Variants in THSD4 observed in about 807,000 individuals in gnomAD.
THSD4 encodes thrombospondin type 1 domain containing 4.
THSD4 carries 69 observed loss-of-function variants against 119.0 expected under a neutral mutation model. That is an observed-to-expected ratio of 0.58 (90% confidence interval 0.48 to 0.71). The LOEUF (loss-of-function observed/expected upper bound fraction) is 0.71, where lower values mean the gene tolerates loss of function less well. THSD4 is among the 30% of genes least tolerant of loss of function. The probability of loss-of-function intolerance (pLI) is 0.00; values close to 1 mark genes in which losing one functional copy is unlikely to be tolerated. For missense variants in THSD4, 1,393 were observed against 1,391.1 expected, an observed-to-expected ratio of 1.00 and a Z score of -0.02; for synonymous variants, 524 against 540.4, an observed-to-expected ratio of 0.97 and a Z score of 0.42.
chr15:71,634,198 A>AG (rs1334275307), intron 7 of THSD4, among the ~76,000 whole-genome samples: 4 of 147,368 alleles, frequency 2.7e-5, no homozygotes, highest in East Asian at 4.0e-4. Flanking sequence ...AAAAAAAAAA[A>AG]AAAAAGAAAA....
intron 8 of THSD4, among the ~76,000 whole-genome samples, chr15:71,727,546 AAAAAAAAATAT>A (rs1567121810): frequency 2.0e-4 from 20 of 100,788 alleles, no homozygotes; most frequent in African/African-American, 7.2e-4. Flanking sequence ...AAAAAAAAAA[AAAAAAAAATAT>A]ATATATATAT....
chr15:71,366,899 C>T (rs957678391), intron 6 of THSD4, among the ~76,000 whole-genome samples: 4 of 152,182 alleles, frequency 2.6e-5, no homozygotes, highest in Non-Finnish European at 4.4e-5. Context: ...AAGCGCCCTT[C>T]TCATACTGTG....
intron 1 of THSD4, among the ~76,000 whole-genome samples, chr15:71,104,080 A>G (rs1203282412): frequency 2.6e-5 from 4 of 152,268 alleles, no homozygotes; most frequent in African/African-American, 9.6e-5. Context: ...AGTTACATTT[A>G]GTGTGTCCTT....
At chr15:71,694,540 G>T (rs2052123068) in intron 8 of THSD4, among the ~76,000 whole-genome samples, 1 of 152,070 alleles carries the variant, frequency 6.6e-6, no homozygotes, top group Admixed American at 6.6e-5. Flanking sequence ...AATTTTTATT[G>T]AAATAATTGG....
intron 6 of THSD4, among the ~76,000 whole-genome samples, chr15:71,304,137 G>C (rs565262946): frequency 1.1e-4 from 16 of 152,300 alleles, no homozygotes; most frequent in Admixed American, 3.3e-4. Flanking sequence ...ACCAGGAGGT[G>C]AGCTTGCTCT....
intron 5 of THSD4, among the ~76,000 whole-genome samples, chr15:71,244,712 T>C (rs2044184383): frequency 6.6e-6 from 1 of 152,208 alleles, no homozygotes; most frequent in Non-Finnish European, 1.5e-5. Flanking sequence ...TGAGGGATGG[T>C]AGGAAAGTGC....
At chr15:71,382,221 G>A (rs1256952992) in intron 6 of THSD4, among the ~76,000 whole-genome samples, 7 of 152,064 alleles carry the variant, frequency 4.6e-5, no homozygotes, top group African/African-American at 1.7e-4. Flanking sequence ...GGACAGGAAA[G>A]TGTTTCGGTA....
chr15:71,514,605 A>G (rs750261747), intron 7 of THSD4, among the ~76,000 whole-genome samples: 23 of 152,168 alleles, frequency 1.5e-4, no homozygotes, highest in Non-Finnish European at 2.6e-4. Flanking sequence ...AACTTGTTTT[A>G]TTCGTAAGAT....
intron 8 of THSD4, among the ~76,000 whole-genome samples, chr15:71,662,049 A>G (rs2140998740): frequency 6.6e-6 from 1 of 152,312 alleles, no homozygotes; most frequent in East Asian, 1.9e-4. Context: ...TAGCCTGTCA[A>G]GAGATGATAC....
At chr15:71,745,924 C>T (rs1440469016) in intron 12 of THSD4, among the ~76,000 whole-genome samples, 3 of 152,128 alleles carry the variant, frequency 2.0e-5, no homozygotes, top group East Asian at 1.9e-4. Context: ...GGATTACGGG[C>T]GTGAGCCACT....
At chr15:71,181,334 T>C (rs988055545) in intron 3 of THSD4, among the ~76,000 whole-genome samples, 1 of 152,254 alleles carries the variant, frequency 6.6e-6, no homozygotes, top group South Asian at 2.1e-4. Context: ...ATTTCTTGGA[T>C]TCAAAGTCAA....
At chr15:71,609,815 G>A (rs78425987) in intron 7 of THSD4, among the ~76,000 whole-genome samples, 1 of 140,564 alleles carries the variant, frequency 7.1e-6, no homozygotes, top group Non-Finnish European at 1.5e-5. Context: ...TCATGCCACT[G>A]CACTCCAGCC....
At chr15:71,470,175 T>C (rs1284233995) in intron 7 of THSD4, among the ~76,000 whole-genome samples, 1 of 152,240 alleles carries the variant, frequency 6.6e-6, no homozygotes, top group East Asian at 1.9e-4. Context: ...TCTTTTCATT[T>C]TTTTTCTAGA....
intron 7 of THSD4, among the ~76,000 whole-genome samples, chr15:71,476,374 A>C (rs1016246115): frequency 3.3e-5 from 5 of 152,130 alleles, no homozygotes; most frequent in African/African-American, 1.2e-4. Context: ...TGGGATTACT[A>C]GTAGCGGGAG....
At chr15:71,157,303 T>C (rs1346938502) in intron 3 of THSD4, among the ~76,000 whole-genome samples, 1 of 152,354 alleles carries the variant, frequency 6.6e-6, no homozygotes, top group Non-Finnish European at 1.5e-5. Flanking sequence ...TTATGAGTTA[T>C]TTTATCATTA....
At chr15:71,306,773 A>G (rs914418396) in intron 6 of THSD4, among the ~76,000 whole-genome samples, 3 of 152,218 alleles carry the variant, frequency 2.0e-5, no homozygotes, top group Middle Eastern at 3.2e-3. Context: ...GCAGTTCAAA[A>G]CAACCCCAAA....
intron 7 of THSD4, among the ~76,000 whole-genome samples, chr15:71,537,441 T>A (rs1247555660): frequency 6.6e-6 from 1 of 152,178 alleles, no homozygotes; most frequent in Non-Finnish European, 1.5e-5. Flanking sequence ...TGGTTGCTTC[T>A]ATTCAGCCAT....
At chr15:71,306,982 C>A (rs1413026801) in intron 6 of THSD4, among the ~76,000 whole-genome samples, 1 of 152,202 alleles carries the variant, frequency 6.6e-6, no homozygotes, top group Non-Finnish European at 1.5e-5. Flanking sequence ...CAGGCACCAT[C>A]CCAGAATTTT....
chr15:71,471,050 C>G (rs899509486), intron 7 of THSD4, among the ~76,000 whole-genome samples: 1 of 152,182 alleles, frequency 6.6e-6, no homozygotes, highest in Non-Finnish European at 1.5e-5. Context: ...TAAGCAGAGA[C>G]AAAAACAAAA....
Sources: allele counts gnomAD v4.1 joint callset (sites outside exome capture counted in the v4.1 genomes callset), GRCh38; gene constraint gnomAD v4.1.1; transcripts MANE v1.5; gene names NCBI Gene and HGNC (gene_info 2026-07-23, HGNC 2026-07-21).